Variants in C5orf34 observed in about 807,000 individuals in gnomAD.
C5orf34 encodes the protein chromosome 5 open reading frame 34, also known as uncharacterized protein C5orf34.
In C5orf34, 73 loss-of-function variants were observed where a neutral mutation model predicts 78.4. That is an observed-to-expected ratio of 0.93 (90% CI 0.77 to 1.13). The LOEUF (loss-of-function observed/expected upper bound fraction) is 1.13. C5orf34 is among the 50% of genes most tolerant of loss of function. The probability of loss-of-function intolerance (pLI) is 0.00; values close to 1 mark genes in which losing one functional copy is unlikely to be tolerated. For missense variants in C5orf34, 730 were observed against 732.7 expected, an observed-to-expected ratio of 1.00 and a Z score of 0.04; for synonymous variants, 251 against 246.6, an observed-to-expected ratio of 1.02 and a Z score of -0.17.
chr5:43,496,516 A>T (rs1745532917), intron 6 of C5orf34: 2 of 1,344,358 alleles, frequency 1.5e-6, no homozygotes, highest in South Asian at 3.1e-5. Flanking sequence ...ATTGTGGGAA[A>T]AAAAAGCCAT....
At chr5:43,495,535 C>G in intron 6 of C5orf34, 1 of 1,611,006 alleles carries the variant, frequency 6.2e-7, no homozygotes, top group Non-Finnish European at 8.5e-7. Context: ...CATTGAAGCC[C>G]ACATTGTCCC....
Position 43,487,055 on chromosome 5 carries a change from G to GTTGTTC in C5orf34, c.1771_1776dup (p.Glu591_Gln592dup). The stretch of plus-strand genomic sequence containing the variant: ...CCTGGTTTATAATGATCAAAAGACT[G>GTTGTTC]TTGTTCATTTTTCTTGTTAGAAATC... On this transcript the variant is annotated inframe_insertion, in exon 13 of 13. Transcript: ENST00000306862. 6.4e-7 allele frequency: 1 copy of GTTGTTC among 1,569,502 alleles called. No homozygotes were observed. Among genetic ancestry groups the GTTGTTC allele is most frequent in the Non-Finnish European group, 8.6e-7 (1 of 1,160,368 alleles).
intron 11 of C5orf34, chr5:43,488,500 T>C (rs1196138546): frequency 6.6e-6 from 1 of 152,228 alleles, no homozygotes; most frequent in East Asian, 1.9e-4. Context: ...CTCATTTATA[T>C]GGAACTCTTT....
At chr5:43,487,982 T>C in intron 11 of C5orf34, 33 bp from the exon 12 acceptor site, 3 of 1,561,438 alleles carry the variant, frequency 1.9e-6, no homozygotes, top group Non-Finnish European at 2.6e-6. Flanking sequence ...TTCATTCAGT[T>C]GTCTGATTCT....
intron 8 of C5orf34, among the ~76,000 whole-genome samples, chr5:43,493,162 G>A (rs563690754): frequency 6.6e-6 from 1 of 151,326 alleles, no homozygotes; most frequent in Non-Finnish European, 1.5e-5. Context: ...GTAATTAAAT[G>A]AATATAGATA....
chr5:43,495,564 A>C, intron 6 of C5orf34: 1 of 1,612,374 alleles, frequency 6.2e-7, no homozygotes, highest in South Asian at 1.1e-5. Context: ...GCTTCACTCA[A>C]AGCTTCATGG....
chr5:43,490,534 T>A, intron 11 of C5orf34, 97 bp downstream of exon 11: 1 of 753,920 alleles, frequency 1.3e-6, no homozygotes, highest in Non-Finnish European at 2.2e-6. Context: ...CTAAGAAAGT[T>A]TTTTTGGGGA....
At chr5:43,502,603 A>G (rs958217317) in intron 5 of C5orf34, 108 bp from the exon 6 acceptor site, 41 of 683,774 alleles carry the variant, frequency 6.0e-5, no homozygotes, top group Middle Eastern at 7.4e-4. Context: ...AAAACAACAC[A>G]GTCTTTTTGC....
intron 3 of C5orf34, among the ~76,000 whole-genome samples, chr5:43,508,337 G>C (rs554862539): frequency 6.6e-6 from 1 of 152,164 alleles, no homozygotes; most frequent in African/African-American, 2.4e-5. Flanking sequence ...ACTGAAAATG[G>C]TCACATAATT....
chr5:43,509,016 A>G (rs111487171), intron 2 of C5orf34, 129 bp downstream of exon 2: 7 of 683,572 alleles, frequency 1.0e-5, no homozygotes, highest in African/African-American at 5.4e-5. Flanking sequence ...GAGGCAGGAG[A>G]ATCACTTGAG....
intron 1 of C5orf34, among the ~76,000 whole-genome samples, chr5:43,510,574 G>A (rs1453111064): frequency 1.3e-5 from 2 of 152,258 alleles, no homozygotes; most frequent in African/African-American, 2.4e-5. Flanking sequence ...CCCAGTGCCT[G>A]TGATTGCAGG....
At chr5:43,490,441 A>G (rs1745233315) in intron 11 of C5orf34, 190 bp downstream of exon 11, 1 of 422,294 alleles carries the variant, frequency 2.4e-6, no homozygotes, top group African/African-American at 2.0e-5. Flanking sequence ...ATATGATGAA[A>G]TGTAATAAAT....
intron 5 of C5orf34, among the ~76,000 whole-genome samples, chr5:43,502,829 C>T (rs958269827): frequency 6.6e-6 from 1 of 152,156 alleles, no homozygotes; most frequent in African/African-American, 2.4e-5. Flanking sequence ...CTATTGCATA[C>T]GTGTTAAATA....
chr5:43,490,569 C>G (rs1257662627), intron 11 of C5orf34, 62 bp downstream of exon 11: 1 of 1,084,124 alleles, frequency 9.2e-7, no homozygotes, highest in East Asian at 2.5e-5. Flanking sequence ...TACCATTTGA[C>G]ATTTTAATTT....
chr5:43,491,404 G>A (rs1412289959), intron 10 of C5orf34, among the ~76,000 whole-genome samples: 2 of 152,068 alleles, frequency 1.3e-5, no homozygotes, highest in African/African-American at 2.4e-5. Context: ...ATATTCTCAA[G>A]TGAAATCACT....
chr5:43,508,744 C>A, intron 2 of C5orf34, 78 bp from the exon 3 acceptor site: 1 of 876,736 alleles, frequency 1.1e-6, no homozygotes, highest in South Asian at 1.5e-5. Flanking sequence ...ACAGTATAAT[C>A]CATAATACTA....
chr5:43,515,078 G>C lies in C5orf34; in HGVS notation c.-309C>G, dbSNP rs545504818. The C allele has an allele frequency of 6.6e-6, 1 of 152,246 alleles. No homozygotes were observed. Among genetic ancestry groups the C allele is most frequent in the Non-Finnish European group, 1.5e-5 (1 of 68,068 alleles). 9.4% of individuals were successfully genotyped at this position (152,246 alleles called of 1,614,324 possible). On this transcript the variant is annotated 5_prime_UTR_variant, in exon 1 of 13. Coordinates refer to ENST00000306862, the MANE Select transcript of C5orf34 (RefSeq NM_198566.4). ...AGACAGCGCCAACTGTAACCACTAA[G>C]AGAAAGCGCAAACCGCACAAGACCA...
At chr5:43,495,354 C>T in intron 6 of C5orf34, 26 of 1,611,836 alleles carry the variant, frequency 1.6e-5, no homozygotes, top group Non-Finnish European at 2.1e-5. Context: ...AACTTGCATG[C>T]AATGTGAGCC....
intron 6 of C5orf34, 102 bp from the exon 7 acceptor site, chr5:43,494,703 G>A (rs1335362541): frequency 8.8e-6 from 5 of 568,556 alleles, no homozygotes; most frequent in African/African-American, 1.9e-5. Context: ...GTGACAAGAC[G>A]AGTAGTTATT....
Sources: gnomAD v4.1 joint callset for allele counts (sites outside exome capture counted in the v4.1 genomes callset) on GRCh38, gnomAD v4.1.1 for gene constraint, MANE v1.5 for transcripts, NCBI Gene and HGNC (gene_info 2026-07-23, HGNC 2026-07-21) for gene names.